The following AGPAT3 variants were observed in gnomAD, a reference collection of about 807,000 sequenced individuals.
AGPAT3 encodes 1-acyl-sn-glycerol-3-phosphate acyltransferase gamma.
Under a neutral mutation model 47.3 loss-of-function variants are expected in AGPAT3, and 5 were observed. That is an observed-to-expected ratio of 0.11 (90% CI 0.06 to 0.22). The LOEUF is 0.22. Among genes scored for constraint, AGPAT3 ranks in the 10% least tolerant of loss-of-function variants. The pLI is 1.00. For synonymous variants in AGPAT3, 212 were observed against 208.3 expected (o/e 1.02, Z -0.15); for missense variants, 315 against 493.0 (o/e 0.64, Z 3.42).
intron 1 of AGPAT3, among the ~76,000 whole-genome samples, chr21:43,891,141 C>T (rs750559395): frequency 1.7e-4 from 26 of 152,202 alleles, no homozygotes; most frequent in Non-Finnish European, 2.8e-4. Context: ...CTCTGTAGCA[C>T]GTGATGTCAT....
intron 1 of AGPAT3, among the ~76,000 whole-genome samples, chr21:43,889,289 T>G (rs1171709070): frequency 1.3e-5 from 2 of 150,908 alleles, no homozygotes; most frequent in African/African-American, 4.9e-5. Context: ...GTTGTGGGTT[T>G]TTTTTTTTTT....
At position 43,981,012 on chromosome 21, in the gene AGPAT3, T is replaced by C; in HGVS notation, c.867T>C (p.Asn289=). ...AGGACGCGCTCCAGGAGATATATAA[T>C]CAGAAGGGCATGTTTCCAGGGGAGC... is the stretch of plus-strand genomic sequence containing the variant. ...QEKDALQEIY[N]QKGMFPGEQF... The change falls in exon 9 of 10, where the codon AAT becomes AAC. Residue 289 remains asparagine, a synonymous_variant. Coordinates refer to ENST00000291572, the MANE Select transcript of AGPAT3 (RefSeq NM_020132.5). This position sits in a 1 kb window ranked among gnomAD's most constrained non-coding sequence, Gnocchi z 5.3. 6.2e-7 allele frequency: 1 copy of C among 1,613,970 alleles called. No individual in the cohort carries two copies. The highest frequency in any genetic ancestry group is 8.5e-7 in the Non-Finnish European group (1 of 1,179,938).
chr21:43,899,068 G>A (rs145660163), intron 1 of AGPAT3, among the ~76,000 whole-genome samples: 6 of 152,254 alleles, frequency 3.9e-5, no homozygotes, highest in Non-Finnish European at 5.9e-5. Context: ...TTTCCTTTAC[G>A]TTTTGCATCT....
intron 1 of AGPAT3, among the ~76,000 whole-genome samples, chr21:43,899,831 G>A (rs1057463763): frequency 3.9e-5 from 6 of 152,172 alleles, no homozygotes; most frequent in African/African-American, 7.2e-5. Flanking sequence ...GTAGAGATTC[G>A]TGACCCAGCC....
chr21:43,914,341 C>T (rs532048767), intron 2 of AGPAT3, among the ~76,000 whole-genome samples: 3 of 152,210 alleles, frequency 2.0e-5, no homozygotes, highest in African/African-American at 7.2e-5. Context: ...GGGACGTCTT[C>T]CTTCTTTATG....
Position 43,981,331 on chromosome 21 carries a change from G to A in AGPAT3, c.1042+144G>A, listed in dbSNP as rs777150303. 4.0e-5 allele frequency: 36 copies of A among 890,040 alleles called. No homozygotes were observed. The highest frequency in any genetic ancestry group is 5.2e-5 in the East Asian group (2 of 38,600). The allele number at this position is 890,040 out of a possible 1,614,324, so 55.1% of individuals were successfully genotyped here. On this transcript the variant is annotated intron_variant, in intron 9 of 9. Coordinates refer to ENST00000291572, the MANE Select transcript of AGPAT3 (RefSeq NM_020132.5). This position sits in a 1 kb window ranked among gnomAD's most constrained non-coding sequence, Gnocchi z 5.3. ...GACCCTGGAGCCAGGATCCCCCCAC[G>A]GCCTGCGGGCCTCAGAGCCTGGATT...
chr21:43,979,849 C>T (rs971301581), intron 8 of AGPAT3, among the ~76,000 whole-genome samples: 1 of 152,208 alleles, frequency 6.6e-6, no homozygotes, highest in African/African-American at 2.4e-5. Context: ...TGCACGGACA[C>T]AGTGTGTGGC....
chr21:43,928,371 C>CG (rs1317643839), intron 2 of AGPAT3, among the ~76,000 whole-genome samples: 3 of 152,168 alleles, frequency 2.0e-5, no homozygotes, highest in African/African-American at 4.8e-5. Context: ...CCCGTCATTC[C>CG]GGGGGGCAGC....
intron 8 of AGPAT3, among the ~76,000 whole-genome samples, chr21:43,978,613 C>T (rs1027615647): frequency 6.6e-6 from 1 of 152,204 alleles, no homozygotes; most frequent in African/African-American, 2.4e-5. Flanking sequence ...CTGGTCCCTT[C>T]TTCTTAATGT....
In AGPAT3 at chr21:43,970,302, G is replaced by A. The variant is rs769629101; in HGVS notation, c.511-351G>A. Among the ~76,000 whole-genome samples the A allele has an allele frequency of 5.3e-5, 8 of 152,130 alleles. No homozygotes were observed. The highest frequency in any genetic ancestry group is 8.8e-5 in the Non-Finnish European group (6 of 68,036). The stretch of plus-strand genomic sequence containing the variant: ...ATTACAGGGGTGAGCCACCACGCCC[G>A]GCCTGCTGTTAACATTTCTAACTCA... On this transcript the variant is annotated intron_variant, in intron 5 of 9. Transcript: ENST00000291572. This position sits in a 1 kb window ranked among gnomAD's most constrained non-coding sequence, Gnocchi z 5.8.
intron 2 of AGPAT3, among the ~76,000 whole-genome samples, chr21:43,906,781 C>T (rs986409105): frequency 7.9e-5 from 12 of 152,348 alleles, no homozygotes; most frequent in South Asian, 6.2e-4. Flanking sequence ...AACACACTGC[C>T]GGCTACTTGC....
intron 2 of AGPAT3, among the ~76,000 whole-genome samples, chr21:43,945,413 T>G (rs2087842297): frequency 6.6e-6 from 1 of 152,220 alleles, no homozygotes; most frequent in African/African-American, 2.4e-5. Context: ...ACTTCACGTT[T>G]TATTGGTTTG....
At chr21:43,960,880 C>G (rs2146639793) in intron 3 of AGPAT3, 1 of 582,478 alleles carries the variant, frequency 1.7e-6, no homozygotes, top group South Asian at 7.6e-5. Flanking sequence ...GTGGCTCATG[C>G]CTGTAATCCC....
rs192786868 is a variant in AGPAT3 at position 43,981,951 on chromosome 21, C to A, written c.1043-353C>A. Among the ~76,000 whole-genome samples the A allele has an allele frequency of 2.0e-5, 3 of 152,218 alleles. No individual in the cohort carries two copies. The highest frequency in any genetic ancestry group is 4.8e-5 in the African/African-American group (2 of 41,448). On this transcript the variant is annotated intron_variant, in intron 9 of 9. Coordinates refer to ENST00000291572, the MANE Select transcript of AGPAT3 (RefSeq NM_020132.5). This position sits in a 1 kb window ranked among gnomAD's most constrained non-coding sequence, Gnocchi z 5.3. ...CCTGCTTACATCCGAGGGTCCTGCTCGTCCACCTCTGTCACCTGTTGGGTT... is the reference window on the plus strand; with the variant it reads ...CCTGCTTACATCCGAGGGTCCTGCTAGTCCACCTCTGTCACCTGTTGGGTT...
rs549031810 is a variant in AGPAT3, at chr21:43,960,409, AC to A, written c.178+551del. Among the ~76,000 whole-genome samples, 8 of 152,316 alleles carry A rather than the reference AC, an allele frequency of 5.3e-5. No homozygotes were observed. The East Asian group carries it at 1.3e-3, about 26-fold the overall frequency. On this transcript the variant is annotated intron_variant, in intron 3 of 9. Transcript: ENST00000291572. ...ACTCAGAGGCTTGGTAACAACACCC[AC>A]TGTGGACAGGTAACCGCTCACACCG...
rs1005549238 is a variant in AGPAT3, at chr21:43,908,243, C to A, written c.-49+4224C>A. Among the ~76,000 whole-genome samples, 5 of 152,144 alleles carry A rather than the reference C, an allele frequency of 3.3e-5. No homozygotes were observed. The highest frequency in any genetic ancestry group is 7.3e-5 in the Non-Finnish European group (5 of 68,030). On this transcript the variant is annotated intron_variant, in intron 2 of 9. Transcript: ENST00000291572. This position sits in a 1 kb window ranked among gnomAD's most constrained non-coding sequence, Gnocchi z 4.9. ...GGGCTTGGGGTGAATTTGGTGATAT[C>A]CAGAGCTGGCAGCTTTGTTGGGGCT...
rs1185926704 is a variant in AGPAT3 at position 43,985,022 on chromosome 21, C to T, written c.*2630C>T. ...ATTGCTGGCCTGTAGCTCCTGTTAC[C>T]CACCCAGAGCCAGGCGCCACACTGG... On this transcript the variant is annotated 3_prime_UTR_variant, in exon 10 of 10. Transcript: ENST00000291572. The T allele has an allele frequency of 2.3e-6, 1 of 437,664 alleles. No homozygotes were observed. Among genetic ancestry groups the T allele is most frequent in the Non-Finnish European group, 4.6e-6 (1 of 217,608 alleles). The allele number at this position is 437,664 out of a possible 1,614,324, so 27.1% of individuals were successfully genotyped here.
chr21:43,978,319 C>G (rs1024564135), intron 8 of AGPAT3, among the ~76,000 whole-genome samples, 198 bp downstream of exon 8: 1 of 151,846 alleles, frequency 6.6e-6, no homozygotes, highest in African/African-American at 2.4e-5. Context: ...GTTTTGTTTT[C>G]TGAGACAGGG....
intron 1 of AGPAT3, among the ~76,000 whole-genome samples, chr21:43,893,973 G>A (rs1016593589): frequency 1.3e-5 from 2 of 152,202 alleles, no homozygotes; most frequent in Non-Finnish European, 2.9e-5. Context: ...TTGGAAAAAC[G>A]TGGCCGATAG....
Sources: allele counts gnomAD v4.1 joint callset (sites outside exome capture counted in the v4.1 genomes callset), GRCh38; gene constraint gnomAD v4.1.1; non-coding constraint Gnocchi (gnomAD v3.1); transcripts MANE v1.5; gene names NCBI Gene and HGNC (gene_info 2026-07-23, HGNC 2026-07-21).